Variants in EPO observed in about 807,000 individuals in gnomAD.
EPO encodes the protein epoetin.
A neutral mutation model predicts 24.4 loss-of-function variants in EPO; 12 were observed. The ratio of observed to expected loss-of-function variants is 0.49; its 90% CI spans 0.32 to 0.80. The LOEUF is 0.80. Among genes scored for constraint, EPO ranks in the 30% least tolerant of loss-of-function variants. EPO has a pLI of 0.04. For synonymous variants in EPO, 107 were observed against 104.0 expected (o/e 1.03, Z -0.18); for missense variants, 210 against 238.0 (o/e 0.88, Z 0.77).
In EPO at chr7:100,723,139, T is replaced by C. The variant is rs1035431969; in HGVS notation, c.*6T>C. On this transcript the variant is annotated 3_prime_UTR_variant, in exon 5 of 5. Transcript: ENST00000252723. Reference sequence around the variant, plus strand: ...GCAGGACAGGGGACAGATGACCAGGTGTGTCCACCTGGGCATATCCACCAC... The same window carrying C: ...GCAGGACAGGGGACAGATGACCAGGCGTGTCCACCTGGGCATATCCACCAC... 6.2e-7 allele frequency: 1 copy of C among 1,612,356 alleles called. No homozygotes were observed. Among genetic ancestry groups the C allele is most frequent in the Non-Finnish European group, 8.5e-7 (1 of 1,179,156 alleles).
At chr7:100,722,904 A>G in intron 4 of EPO, 61 bp downstream of exon 4, 1 of 1,607,010 alleles carries the variant, frequency 6.2e-7, no homozygotes, top group Non-Finnish European at 8.5e-7. Context: ...GGGTCTTGCT[A>G]AGGAGTACAG....
At chr7:100,722,485 G>C (rs1263611923) in intron 3 of EPO, among the ~76,000 whole-genome samples, 179 bp from the exon 4 acceptor site, 2 of 144,764 alleles carry the variant, frequency 1.4e-5, no homozygotes, top group South Asian at 4.5e-4. Flanking sequence ...AATGAGGGCT[G>C]TATGGAATAC....
rs1017352990 is a variant in EPO, at chr7:100,722,012, C to T, written c.210C>T (p.Asp70=). Residue 70 remains aspartate, a synonymous_variant, in exon 3 of 5, where the codon GAC becomes GAT. Transcript: ENST00000252723. ...CSLNENITVP[D]TKVNFYAWKR... ...TGAATGAGAATATCACTGTCCCAGA[C>T]ACCAAAGTTAATTTCTATGCCTGGA... 1 of 1,612,100 alleles carries T rather than the reference C, an allele frequency of 6.2e-7. No individual in the cohort carries two copies.
At chr7:100,722,109 T>C (rs1324124420) in intron 3 of EPO, 61 bp downstream of exon 3, 10 of 1,465,762 alleles carry the variant, frequency 6.8e-6, no homozygotes, top group Non-Finnish European at 9.2e-6. Flanking sequence ...GAGCCTGATT[T>C]TGGATGAAAG....
In EPO at chr7:100,720,703, G is replaced by A; in HGVS notation, c.-278G>A. 1 of 189,260 alleles carries A rather than the reference G, an allele frequency of 5.3e-6. No homozygotes were observed. 11.7% of individuals were successfully genotyped at this position (189,260 alleles called of 1,614,324 possible). A position where few individuals can be genotyped will look rare whatever the true frequency, so the allele number is the denominator to read the frequency against. On this transcript the variant is annotated 5_prime_UTR_variant, in exon 1 of 5. Coordinates refer to ENST00000252723, the MANE Select transcript of EPO (RefSeq NM_000799.4). ...CTCTCCCCCACCCCCACCCGCGCAC[G>A]CACACATGCAGATAACAGCCCCGAC...
chr7:100,723,458 G>C lies in EPO; in HGVS notation c.*325G>C. On this transcript the variant is annotated 3_prime_UTR_variant, in exon 5 of 5. Coordinates refer to ENST00000252723, the MANE Select transcript of EPO (RefSeq NM_000799.4). The stretch of plus-strand genomic sequence containing the variant: ...CCTGCAAAATTTGATGCCAGGACAC[G>C]CTTTGGAGGCGATTTACCTGTTTTC... The C allele has an allele frequency of 4.4e-6, 1 of 228,122 alleles. No individual in the cohort carries two copies. The highest frequency in any genetic ancestry group is 5.5e-5 in the Admixed American group (1 of 18,196). The allele number at this position is 228,122 out of a possible 1,614,324, so 14.1% of individuals were successfully genotyped here.
In EPO at chr7:100,721,977, C is replaced by T. The variant is rs369033773; in HGVS notation, c.175C>T (p.His59Tyr). 134 of 1,613,162 alleles carry T rather than the reference C, an allele frequency of 8.3e-5. No individual in the cohort carries two copies. Among genetic ancestry groups the T allele is most frequent in the Non-Finnish European group, 1.1e-4 (128 of 1,179,824 alleles). ...TGCATTTCAGACGGGCTGTGCTGAA[C>T]ACTGCAGCTTGAATGAGAATATCAC... ...AENITTGCAE[H>Y]CSLNENITVP... Residue 59 changes from histidine to tyrosine, a missense_variant, in exon 3 of 5, where the codon CAC (histidine) becomes TAC (tyrosine). Transcript: ENST00000252723. This position sits in a 1 kb window ranked among gnomAD's most constrained non-coding sequence, Gnocchi z 4.0.
rs2131441470 is a variant in EPO, at chr7:100,722,708, G to C, written c.291G>C (p.Leu97=). Residue 97 remains leucine (L), a synonymous_variant, in exon 4 of 5, where the codon CTG becomes CTC. Transcript: ENST00000252723. ...AVEVWQGLAL[L]SEAVLRGQAL... is the part of the protein sequence containing the mutation. Reference sequence around the variant, plus strand: ...AAGTCTGGCAGGGCCTGGCCCTGCTGTCGGAAGCTGTCCTGCGGGGCCAGG... The same window carrying C: ...AAGTCTGGCAGGGCCTGGCCCTGCTCTCGGAAGCTGTCCTGCGGGGCCAGG... 1 of 1,612,532 alleles carries C rather than the reference G, an allele frequency of 6.2e-7. No homozygotes were observed. Among genetic ancestry groups the C allele is most frequent in the East Asian group, 2.2e-5 (1 of 44,828 alleles).
chr7:100,722,057 C>CA lies in EPO; in HGVS notation c.246+9_246+10insA. 1 of 1,382,476 alleles carries CA rather than the reference C, an allele frequency of 7.2e-7. No individual in the cohort carries two copies. 85.6% of individuals were successfully genotyped at this position (1,382,476 alleles called of 1,614,324 possible). ...CCTGGAAGAGGATGGAGGTGAGTTC[C>CA]TTTTTTTTTTTTTTTCCTTTCTTTT... is the stretch of plus-strand genomic sequence containing the variant. On this transcript the variant is annotated intron_variant, in intron 3 of 4. Coordinates refer to ENST00000252723, the MANE Select transcript of EPO (RefSeq NM_000799.4).
chr7:100,721,318 G>A lies in EPO; in HGVS notation c.14-240G>A, dbSNP rs2131440308. Among the ~76,000 whole-genome samples the A allele has an allele frequency of 6.6e-6, 1 of 152,278 alleles. No individual in the cohort carries two copies. The highest frequency in any genetic ancestry group is 2.1e-4 in the South Asian group (1 of 4,826). On this transcript the variant is annotated intron_variant, in intron 1 of 4. Transcript: ENST00000252723. The surrounding 1 kb of genome is among the most constrained non-coding windows in gnomAD (Gnocchi z 4.0). ...GGAGCCACCACTTATCTGCCAGAGGGGAAGCCTCTGTCACACCAGGATTGA... is the reference window on the plus strand; with the variant it reads ...GGAGCCACCACTTATCTGCCAGAGGAGAAGCCTCTGTCACACCAGGATTGA...
Position 100,721,886 on chromosome 7 carries a change from CA to C in EPO, c.160-75del. The C allele has an allele frequency of 6.5e-7, 1 of 1,548,932 alleles. No homozygotes were observed. The highest frequency in any genetic ancestry group is 8.7e-7 in the Non-Finnish European group (1 of 1,145,476). On this transcript the variant is annotated intron_variant, in intron 2 of 4. Coordinates refer to ENST00000252723, the MANE Select transcript of EPO (RefSeq NM_000799.4). This position sits in a 1 kb window ranked among gnomAD's most constrained non-coding sequence, Gnocchi z 4.0. ...CTGGAAACTAGGCAAGGAGCAAAGCCAGCAGATCCTACGGCCTGTGGGCCAG... is the reference window on the plus strand; with the variant it reads ...CTGGAAACTAGGCAAGGAGCAAAGCCGCAGATCCTACGGCCTGTGGGCCAG...
Position 100,721,440 on chromosome 7 carries a change from G to T in EPO, c.14-118G>T. The T allele has an allele frequency of 1.5e-6, 2 of 1,366,386 alleles. No homozygotes were observed. The highest frequency in any genetic ancestry group is 2.0e-6 in the Non-Finnish European group (2 of 1,006,354). The allele number at this position is 1,366,386 out of a possible 1,614,324, so 84.6% of individuals were successfully genotyped here. A position where few individuals can be genotyped will look rare whatever the true frequency, so the allele number is the denominator to read the frequency against. On this transcript the variant is annotated intron_variant, in intron 1 of 4. Coordinates refer to ENST00000252723, the MANE Select transcript of EPO (RefSeq NM_000799.4). This position sits in a 1 kb window ranked among gnomAD's most constrained non-coding sequence, Gnocchi z 4.0. ...CCAGGGAGGCAGCACCTGAGTGCTT[G>T]CATGGTTGGGGACAGGAAGGACGAG... is the stretch of plus-strand genomic sequence containing the variant.
Position 100,721,045 on chromosome 7 carries a change from G to C in EPO, c.13+52G>C, listed in dbSNP as rs1157864320. The C allele has an allele frequency of 6.6e-7, 1 of 1,519,892 alleles. No individual in the cohort carries two copies. Among genetic ancestry groups the C allele is most frequent in the South Asian group, 1.2e-5 (1 of 80,832 alleles). 94.2% of individuals were successfully genotyped at this position (1,519,892 alleles called of 1,614,324 possible). On this transcript the variant is annotated intron_variant, in intron 1 of 4. Coordinates refer to ENST00000252723, the MANE Select transcript of EPO (RefSeq NM_000799.4). This position sits in a 1 kb window ranked among gnomAD's most constrained non-coding sequence, Gnocchi z 4.0. ...CGCCCGCCCGGGTCCCTGTTTGAGCGGGGATTTAGCGCCCCGGCTATTGGC... is the reference window on the plus strand; with the variant it reads ...CGCCCGCCCGGGTCCCTGTTTGAGCCGGGATTTAGCGCCCCGGCTATTGGC...
rs1278911102 is a variant in EPO at position 100,720,561 on chromosome 7, C to T, written c.-420C>T. ...CAGGGCCCGGGAGCAGCCCCCATGA[C>T]CCACACGCACGTCTGCAGCAGCCCC... On this transcript the variant is annotated 5_prime_UTR_variant, in exon 1 of 5. Transcript: ENST00000252723. Among the ~76,000 whole-genome samples the T allele has an allele frequency of 1.3e-5, 2 of 152,068 alleles. No homozygotes were observed. Among genetic ancestry groups the T allele is most frequent in the Non-Finnish European group, 1.5e-5 (1 of 67,992 alleles).
Position 100,721,992 on chromosome 7 carries a change from G to A in EPO, c.190G>A (p.Glu64Lys), listed in dbSNP as rs1806747879. 5.6e-6 allele frequency: 9 copies of A among 1,613,476 alleles called. No homozygotes were observed. The highest frequency in any genetic ancestry group is 6.8e-6 in the Non-Finnish European group (8 of 1,179,846). The change falls in exon 3 of 5, where the codon GAG (glutamate) becomes AAG (lysine). Residue 64 changes from glutamate to lysine, a missense_variant. By Grantham distance (56) the Glu-to-Lys change is moderately conservative. Transcript: ENST00000252723. The surrounding 1 kb of genome is among the most constrained non-coding windows in gnomAD (Gnocchi z 4.0). ...TGCAEHCSLNENITVPDTKVN... is the reference protein window; with the variant it reads ...TGCAEHCSLNKNITVPDTKVN... ...CTGTGCTGAACACTGCAGCTTGAATGAGAATATCACTGTCCCAGACACCAA... is the reference window on the plus strand; with the variant it reads ...CTGTGCTGAACACTGCAGCTTGAATAAGAATATCACTGTCCCAGACACCAA...
rs977864253 is a variant in EPO at position 100,721,060 on chromosome 7, C to G, written c.13+67C>G. On this transcript the variant is annotated intron_variant, in intron 1 of 4. Transcript: ENST00000252723. This position sits in a 1 kb window ranked among gnomAD's most constrained non-coding sequence, Gnocchi z 4.0. ...CTGTTTGAGCGGGGATTTAGCGCCC[C>G]GGCTATTGGCCAGGAGGTGGCTGGG... The G allele has an allele frequency of 6.0e-6, 9 of 1,488,770 alleles. No homozygotes were observed. The highest frequency in any genetic ancestry group is 4.4e-5 in the Admixed American group (2 of 45,502). The allele number at this position is 1,488,770 out of a possible 1,614,324, so 92.2% of individuals were successfully genotyped here.
chr7:100,722,797 G>GT lies in EPO; in HGVS notation c.381dup (p.Gly128TrpfsTer36). ...CAGCTGCATGTGGATAAAGCCGTCAGTGGCCTTCGCAGCCTCACCACTCTG... is the reference window on the plus strand; with the variant it reads ...CAGCTGCATGTGGATAAAGCCGTCAGTTGGCCTTCGCAGCCTCACCACTCTG... On this transcript the variant is annotated frameshift_variant, in exon 4 of 5. Transcript: ENST00000252723. LOFTEE classifies it high-confidence loss of function. The GT allele has an allele frequency of 6.2e-7, 1 of 1,614,074 alleles. No homozygotes were observed.
At position 100,721,971 on chromosome 7, in the gene EPO, G is replaced by GCTGAACA; in HGVS notation, c.173_179dup (p.Cys60Ter). 6.2e-7 allele frequency: 1 copy of GCTGAACA among 1,611,508 alleles called. No individual in the cohort carries two copies. The highest frequency in any genetic ancestry group is 8.5e-7 in the Non-Finnish European group (1 of 1,179,390). ...GCTGTGTGCATTTCAGACGGGCTGT[G>GCTGAACA]CTGAACACTGCAGCTTGAATGAGAA... On this transcript the variant is annotated frameshift_variant, in exon 3 of 5. Transcript: ENST00000252723. LOFTEE classifies it high-confidence loss of function. This position sits in a 1 kb window ranked among gnomAD's most constrained non-coding sequence, Gnocchi z 4.0.
rs188830852 is a variant in EPO at position 100,723,484 on chromosome 7, G to T, written c.*351G>T. Reference sequence around the variant, plus strand: ...CTTTGGAGGCGATTTACCTGTTTTCGCACCTACCATCAGGGACAGGATGAC... The same window carrying T: ...CTTTGGAGGCGATTTACCTGTTTTCTCACCTACCATCAGGGACAGGATGAC... On this transcript the variant is annotated 3_prime_UTR_variant, in exon 5 of 5. Transcript: ENST00000252723. 47 of 192,614 alleles carry T rather than the reference G, an allele frequency of 2.4e-4. No homozygotes were observed. Among genetic ancestry groups the T allele is most frequent in the Non-Finnish European group, 3.3e-4 (31 of 94,120 alleles). The allele number at this position is 192,614 out of a possible 1,614,324, so 11.9% of individuals were successfully genotyped here.
Sources: allele counts gnomAD v4.1 joint callset (sites outside exome capture counted in the v4.1 genomes callset), GRCh38; gene constraint gnomAD v4.1.1; non-coding constraint Gnocchi (gnomAD v3.1); transcripts MANE v1.5; gene names NCBI Gene and HGNC (gene_info 2026-07-23, HGNC 2026-07-21).